Variants in PROS1 observed in about 807,000 individuals in gnomAD.
PROS1 encodes vitamin K-dependent protein S.
Under a neutral mutation model 75.9 loss-of-function variants are expected in PROS1, and 29 were observed. The ratio of observed to expected loss-of-function variants is 0.38; its 90% CI spans 0.28 to 0.52. The LOEUF (loss-of-function observed/expected upper bound fraction) is 0.52, where lower values mean the gene tolerates loss of function less well. Ranked by LOEUF, PROS1 falls within the 20% of genes least tolerant of loss-of-function variation. PROS1 has a pLI of 0.83. For synonymous variants in PROS1, 245 were observed against 280.6 expected, an observed-to-expected ratio of 0.87 and a Z score of 1.27; for missense variants, 680 against 810.3, an observed-to-expected ratio of 0.84 and a Z score of 1.95.
intron 1 of PROS1, among the ~76,000 whole-genome samples, chr3:93,942,313 T>A (rs1709301864): frequency 6.6e-6 from 1 of 152,202 alleles, no homozygotes; most frequent in African/African-American, 2.4e-5. Context: ...ATTCCGTCCA[T>A]ATCCTGCACT....
intron 13 of PROS1, among the ~76,000 whole-genome samples, chr3:93,877,853 A>G (rs1413961670): frequency 2.0e-5 from 3 of 152,244 alleles, no homozygotes; most frequent in Non-Finnish European, 1.5e-5. Context: ...GAGGAAAGTG[A>G]TAAAAACATA....
At chr3:93,927,959 A>G (rs547395005) in intron 1 of PROS1, among the ~76,000 whole-genome samples, 56 of 131,192 alleles carry the variant, frequency 4.3e-4, no homozygotes, top group South Asian at 3.2e-3. Flanking sequence ...ATACTTGTGT[A>G]TATATATATG....
chr3:93,925,731 G>A (rs1709006538), intron 2 of PROS1, among the ~76,000 whole-genome samples: 1 of 151,506 alleles, frequency 6.6e-6, no homozygotes. Flanking sequence ...GGCTGAGACG[G>A]GAGGATTGCC....
At chr3:93,930,228 G>C (rs1709086968) in intron 1 of PROS1, among the ~76,000 whole-genome samples, 1 of 152,204 alleles carries the variant, frequency 6.6e-6, no homozygotes, top group South Asian at 2.1e-4. Flanking sequence ...ATGGTACTCT[G>C]TGATCATGCT....
chr3:93,918,763 C>T (rs898245062), intron 3 of PROS1, among the ~76,000 whole-genome samples: 3 of 152,110 alleles, frequency 2.0e-5, no homozygotes, highest in Admixed American at 6.5e-5. Flanking sequence ...TCAGGCTGGT[C>T]TCGAACTCCT....
rs1351953068 is a variant in PROS1, at chr3:93,971,396, TAAA to T, written c.76+2275_76+2277del. 7.4e-4 allele frequency among the ~76,000 whole-genome samples: 104 copies of T among 140,428 alleles called. 2 individuals are homozygous for T. The highest frequency in any genetic ancestry group is 3.6e-3 in the Middle Eastern group (1 of 274). The allele number at this position is 140,428 out of a possible 152,430, so 92.1% of individuals were successfully genotyped here. A position where few individuals can be genotyped will look rare whatever the true frequency, so the allele number is the denominator to read the frequency against. Reference sequence around the variant, plus strand: ...ATAAATAAATAAATAAATAAATAAATAAATAATTCTAAATAAAGAACTACACAA... The same window carrying T: ...ATAAATAAATAAATAAATAAATAAATTAATTCTAAATAAAGAACTACACAA... On this transcript the variant is annotated intron_variant, in intron 1 of 14. Coordinates refer to ENST00000394236, the MANE Select transcript of PROS1 (RefSeq NM_000313.4).
chr3:93,950,186 A>C (rs1460593711), intron 1 of PROS1, among the ~76,000 whole-genome samples: 1 of 152,152 alleles, frequency 6.6e-6, no homozygotes, highest in Non-Finnish European at 1.5e-5. Context: ...GCAGCCAGGA[A>C]GCTCGAACTG....
chr3:93,937,890 G>A (rs1419604888), intron 1 of PROS1, among the ~76,000 whole-genome samples: 3 of 152,090 alleles, frequency 2.0e-5, no homozygotes, highest in East Asian at 1.9e-4. Flanking sequence ...GCCTAAAGAC[G>A]CCTACAATGA....
chr3:93,962,164 C>T (rs1198797261), intron 1 of PROS1, among the ~76,000 whole-genome samples: 1 of 152,060 alleles, frequency 6.6e-6, no homozygotes, highest in African/African-American at 2.4e-5. Context: ...GGTGGCTGAG[C>T]TTAGTTAGCA....
chr3:93,960,042 A>T (rs1190781948), intron 1 of PROS1, among the ~76,000 whole-genome samples: 1 of 152,238 alleles, frequency 6.6e-6, no homozygotes, highest in Non-Finnish European at 1.5e-5. Context: ...AAGTATTTAT[A>T]CTTCTCTTAG....
intron 1 of PROS1, among the ~76,000 whole-genome samples, chr3:93,940,241 C>A (rs112492349): frequency 2.6e-5 from 4 of 152,322 alleles, no homozygotes; most frequent in African/African-American, 9.6e-5. Context: ...CTCGGATTGA[C>A]GCCTTCCCAG....
intron 1 of PROS1, among the ~76,000 whole-genome samples, chr3:93,954,511 C>G (rs1709565453): frequency 1.3e-5 from 2 of 152,162 alleles, no homozygotes; most frequent in Non-Finnish European, 2.9e-5. Flanking sequence ...GCCGGGAAAG[C>G]TGGCTAGCCA....
intron 1 of PROS1, among the ~76,000 whole-genome samples, chr3:93,946,145 G>T (rs1052323868): frequency 6.6e-6 from 1 of 152,162 alleles, no homozygotes; most frequent in Non-Finnish European, 1.5e-5. Flanking sequence ...ACTCCTCAAT[G>T]AAATAAAAGA....
chr3:93,883,854 G>A (rs1708309027), intron 12 of PROS1, among the ~76,000 whole-genome samples: 1 of 152,082 alleles, frequency 6.6e-6, no homozygotes, highest in South Asian at 2.1e-4. Flanking sequence ...GGAGGCTGAG[G>A]CAGAAGAATC....
chr3:93,960,532 CTTTTTTTTTTTTTT>C (rs774875701), intron 1 of PROS1, among the ~76,000 whole-genome samples: 10 of 50,120 alleles, frequency 2.0e-4, no homozygotes, highest in African/African-American at 3.7e-4. Flanking sequence ...CTCCATTGCT[CTTTTTTTTTTTTTT>C]TTTTTTTTTT....
chr3:93,920,010 C>T (rs570618985), intron 3 of PROS1, among the ~76,000 whole-genome samples: 9 of 152,166 alleles, frequency 5.9e-5, no homozygotes, highest in African/African-American at 2.2e-4. Context: ...GTATTTTAGA[C>T]ATGTGTGGAC....
At chr3:93,959,947 C>T (rs1447346067) in intron 1 of PROS1, among the ~76,000 whole-genome samples, 1 of 152,104 alleles carries the variant, frequency 6.6e-6, no homozygotes, top group East Asian at 1.9e-4. Context: ...GTAAATTATG[C>T]CCTCCCTCTA....
At chr3:93,915,805 C>T (rs1182197975) in intron 3 of PROS1, among the ~76,000 whole-genome samples, 1 of 152,084 alleles carries the variant, frequency 6.6e-6, no homozygotes, top group East Asian at 1.9e-4. Flanking sequence ...TCACCAGAAT[C>T]ATCCTCAATG....
intron 1 of PROS1, among the ~76,000 whole-genome samples, chr3:93,956,826 T>G (rs1297189743): frequency 6.6e-6 from 1 of 152,132 alleles, no homozygotes; most frequent in African/African-American, 2.4e-5. Context: ...AGATTTAAAA[T>G]GAAGTTAATG....
Sources: allele counts gnomAD v4.1 joint callset (sites outside exome capture counted in the v4.1 genomes callset), GRCh38; gene constraint gnomAD v4.1.1; transcripts MANE v1.5; gene names NCBI Gene and HGNC (gene_info 2026-07-23, HGNC 2026-07-21).